ULK4: variants seen among roughly 807,000 people sequenced by gnomAD.
ULK4 encodes the protein unc-51 like kinase 4, also known as inactive serine/threonine-protein kinase ULK4.
Under a neutral mutation model 160.6 loss-of-function variants are expected in ULK4, and 133 were observed. That is an observed-to-expected ratio of 0.83 (90% CI 0.72 to 0.96). The LOEUF is 0.96. Ranked by LOEUF, ULK4 falls within the 40% of genes least tolerant of loss-of-function variation. ULK4 has a pLI of 0.00. For synonymous variants in ULK4, 534 were observed against 539.8 expected (o/e 0.99, Z 0.15); for missense variants, 1,580 against 1,499.5 (o/e 1.05, Z -0.89).
intron 2 of ULK4, among the ~76,000 whole-genome samples, chr3:41,953,285 C>CACACATATATATATATATATATAT (rs374288098): frequency 4.7e-5 from 4 of 85,924 alleles, no homozygotes; most frequent in East Asian, 7.4e-4. Context: ...CATATATACA[C>CACACATATATATATATATATATAT]ATATATATAT....
In ULK4 at chr3:41,716,277, C is replaced by T. The variant is rs1046206267; in HGVS notation, c.2456-709G>A. Among the ~76,000 whole-genome samples, 5 of 149,176 alleles carry T rather than the reference C, an allele frequency of 3.4e-5. No homozygotes were observed. The South Asian group carries it at 8.5e-4, about 25-fold the overall frequency. ...TAATAAGTGAACGAATTACAGAACA[C>T]GACTTACAACTATCAAAAAAAAGAG... On this transcript the variant is annotated intron_variant, in intron 23 of 36. Transcript: ENST00000301831.
chr3:41,910,837 C>T (rs1698756652), intron 11 of ULK4, among the ~76,000 whole-genome samples: 1 of 152,026 alleles, frequency 6.6e-6, no homozygotes, highest in African/African-American at 2.4e-5. Context: ...GTGGCACACA[C>T]CTGTAGTCAT....
chr3:41,907,683 G>A (rs572857558), intron 12 of ULK4, among the ~76,000 whole-genome samples, 162 bp downstream of exon 12: 1 of 152,232 alleles, frequency 6.6e-6, no homozygotes, highest in African/African-American at 2.4e-5. Flanking sequence ...AACTAAATGG[G>A]ATATCTCTCT....
At chr3:41,506,559 C>G (rs1404557355) in intron 32 of ULK4, among the ~76,000 whole-genome samples, 1 of 151,494 alleles carries the variant, frequency 6.6e-6, no homozygotes, top group Admixed American at 6.6e-5. Flanking sequence ...GCTTCACTTC[C>G]TTTTTGGAAT....
intron 22 of ULK4, among the ~76,000 whole-genome samples, chr3:41,727,054 C>T (rs562455254): frequency 1.3e-5 from 2 of 152,262 alleles, no homozygotes; most frequent in African/African-American, 4.8e-5. Flanking sequence ...TTCATTCCCT[C>T]TAATCTGACC....
chr3:41,602,327 GGGAAAGGAAAGGAGGAAGGGAAA>G (rs2032141501), intron 31 of ULK4, among the ~76,000 whole-genome samples: 2 of 119,264 alleles, frequency 1.7e-5, no homozygotes, highest in African/African-American at 3.4e-5. Context: ...AAAGGAGGAA[GGGAAAGGAAAGGAGGAAGGGAAA>G]GGAAAGGAAA....
intron 34 of ULK4, among the ~76,000 whole-genome samples, chr3:41,401,262 T>TTTTATA (rs1381995839): frequency 2.0e-5 from 3 of 152,194 alleles, no homozygotes; most frequent in Non-Finnish European, 4.4e-5. Flanking sequence ...GGTTTTATAG[T>TTTTATA]TTTATATTTT....
chr3:41,383,092 T>G (rs1169808737), intron 35 of ULK4, among the ~76,000 whole-genome samples: 1 of 103,080 alleles, frequency 9.7e-6, no homozygotes, highest in Admixed American at 1.1e-4. Context: ...TCTTTTTCTT[T>G]TTTTTTTTCT....
At chr3:41,641,841 AAAG>A (rs1428189572) in intron 30 of ULK4, among the ~76,000 whole-genome samples, 6 of 152,152 alleles carry the variant, frequency 3.9e-5, no homozygotes, top group African/African-American at 2.4e-5. Context: ...GTAAAAAAAA[AAAG>A]GAGCTCATAA....
At chr3:41,284,174 G>C (rs1370461408) in intron 35 of ULK4, among the ~76,000 whole-genome samples, 2 of 152,002 alleles carry the variant, frequency 1.3e-5, no homozygotes, top group Non-Finnish European at 2.9e-5. Flanking sequence ...ACTGCCAAAA[G>C]CAATCTACAA....
intron 21 of ULK4, among the ~76,000 whole-genome samples, chr3:41,758,790 G>A (rs1412265296): frequency 2.6e-5 from 4 of 151,406 alleles, no homozygotes; most frequent in African/African-American, 4.9e-5. Flanking sequence ...GGAGAATGGC[G>A]TGAACCCGGG....
At chr3:41,380,832 G>C (rs1187959430) in intron 35 of ULK4, among the ~76,000 whole-genome samples, 1 of 152,088 alleles carries the variant, frequency 6.6e-6, no homozygotes, top group Admixed American at 6.6e-5. Context: ...TCACCAGCAG[G>C]ACTTCCTTTA....
At chr3:41,638,114 CAGT>C (rs1466736161) in intron 30 of ULK4, among the ~76,000 whole-genome samples, 3 of 152,232 alleles carry the variant, frequency 2.0e-5, no homozygotes, top group Non-Finnish European at 4.4e-5. Flanking sequence ...AAAAGGCAAA[CAGT>C]GGTGTACGAA....
chr3:41,262,175 C>A (rs551269954), intron 35 of ULK4, among the ~76,000 whole-genome samples: 1 of 152,288 alleles, frequency 6.6e-6, no homozygotes, highest in African/African-American at 2.4e-5. Context: ...GAGCACCAGG[C>A]GAGAGACAGG....
chr3:41,275,260 T>C (rs921068110), intron 35 of ULK4, among the ~76,000 whole-genome samples: 5 of 152,240 alleles, frequency 3.3e-5, no homozygotes, highest in African/African-American at 4.8e-5. Flanking sequence ...AGAGGAGACC[T>C]AGAAGTTCTC....
intron 32 of ULK4, among the ~76,000 whole-genome samples, chr3:41,463,673 G>A (rs570877997): frequency 9.2e-5 from 14 of 152,246 alleles, no homozygotes; most frequent in African/African-American, 3.4e-4. Context: ...CAACTGGGTG[G>A]TTTCCATAAT....
chr3:41,680,219 A>C (rs183349063), intron 29 of ULK4, among the ~76,000 whole-genome samples: 73 of 152,338 alleles, frequency 4.8e-4, no homozygotes, highest in Admixed American at 1.0e-3. Context: ...AACAAATGTA[A>C]CTGAAAAGGT....
intron 17 of ULK4, among the ~76,000 whole-genome samples, chr3:41,875,998 A>C (rs1697287545): frequency 6.6e-6 from 1 of 151,976 alleles, no homozygotes; most frequent in Non-Finnish European, 1.5e-5. Flanking sequence ...ACCTAAATCT[A>C]ATGAAGCGTC....
rs559469399 is a variant in ULK4, at chr3:41,913,003, T to C, written c.804-104A>G. ...CATAGCAGATTTTACAAGGTACACA[T>C]GTACCTTTGAAATCATTTTATATTT... On this transcript the variant is annotated intron_variant, in intron 8 of 36. Coordinates refer to ENST00000301831, the MANE Select transcript of ULK4 (RefSeq NM_017886.4). 3.0e-4 allele frequency: 272 copies of C among 897,190 alleles called. 11 individuals are homozygous for C. The South Asian group carries it at 4.2e-3, about 14-fold the overall frequency. 55.6% of individuals were successfully genotyped at this position (897,190 alleles called of 1,614,324 possible).
Sources: gnomAD v4.1 joint callset for allele counts (sites outside exome capture counted in the v4.1 genomes callset) on GRCh38, gnomAD v4.1.1 for gene constraint, MANE v1.5 for transcripts, NCBI Gene and HGNC (gene_info 2026-07-23, HGNC 2026-07-21) for gene names.